Variants in WASL observed in about 807,000 individuals in gnomAD.
The protein encoded by WASL is actin nucleation-promoting factor WASL.
A neutral mutation model predicts 55.5 loss-of-function variants in WASL; 20 were observed. That is an observed-to-expected ratio of 0.36 (90% CI 0.25 to 0.52). The LOEUF is 0.52. Ranked by LOEUF, WASL falls within the 20% of genes least tolerant of loss-of-function variation. The probability of loss-of-function intolerance (pLI) is 0.92; values close to 1 mark genes in which losing one functional copy is unlikely to be tolerated. For synonymous variants in WASL, 249 were observed against 217.6 expected (o/e 1.14, Z -1.27); for missense variants, 504 against 622.5 (o/e 0.81, Z 2.03).
intron 8 of WASL, 56 bp downstream of exon 8, chr7:123,694,659 A>G: frequency 6.3e-7 from 1 of 1,593,478 alleles, no homozygotes; most frequent in African/African-American, 1.4e-5. Context: ...GGTTTCCATG[A>G]AACTGACCTC....
chr7:123,719,726 C>T (rs1243369382), intron 1 of WASL, among the ~76,000 whole-genome samples: 1 of 152,200 alleles, frequency 6.6e-6, no homozygotes, highest in African/African-American at 2.4e-5. Flanking sequence ...TGGCAGTCAG[C>T]TCCTCTCTTG....
At chr7:123,710,458 G>A (rs544123559) in intron 1 of WASL, among the ~76,000 whole-genome samples, 1 of 152,112 alleles carries the variant, frequency 6.6e-6, no homozygotes, top group East Asian at 1.9e-4. Flanking sequence ...TAGGTTTACT[G>A]AACTATGCCT....
chr7:123,707,524 T>C (rs1803690180), intron 2 of WASL, among the ~76,000 whole-genome samples: 1 of 152,168 alleles, frequency 6.6e-6, no homozygotes, highest in Non-Finnish European at 1.5e-5. Flanking sequence ...GGTGACGAAT[T>C]ATGAGTGTCC....
intron 1 of WASL, among the ~76,000 whole-genome samples, chr7:123,742,007 A>T (rs945640790): frequency 8.5e-5 from 13 of 152,278 alleles, no homozygotes; most frequent in African/African-American, 2.2e-4. Context: ...ATAACTTTTT[A>T]AAAAAATAGT....
Position 123,706,448 on chromosome 7 carries a change from A to G in WASL, c.340-75T>C, listed in dbSNP as rs1438411465. 2.2e-6 allele frequency: 3 copies of G among 1,351,506 alleles called. No homozygotes were observed. In the East Asian group the frequency reaches 7.1e-5, roughly 32 times the overall value. 83.7% of individuals were successfully genotyped at this position (1,351,506 alleles called of 1,614,324 possible). ...CTTTATATCATAAAAACAATGAGGA[A>G]AAGAAGTATATTTCTAAAGAACGAA... On this transcript the variant is annotated intron_variant, in intron 3 of 10. Transcript: ENST00000223023.
At chr7:123,737,305 A>G (rs1216602202) in intron 1 of WASL, among the ~76,000 whole-genome samples, 2 of 152,204 alleles carry the variant, frequency 1.3e-5, no homozygotes, top group Non-Finnish European at 2.9e-5. Flanking sequence ...AAATTATAAA[A>G]GCAGCATTTC....
chr7:123,694,862 T>C lies in WASL; in HGVS notation c.679A>G (p.Asn227Asp), dbSNP rs1477856255. ...WDPNTGFDLN[N>D]LDPELKNLFD... ...AGATTCTTCAATTCTGGATCCAAAT[T>C]ATTCAGCTACAAAAGAAAGTAACTG... The change falls in exon 8 of 11, where the codon AAT becomes GAT. Residue 227 changes from asparagine to aspartate, a missense_variant. By Grantham distance (23) the Asn-to-Asp change is conservative (BLOSUM62 1). Around this residue, in one of 5 missense-constraint regions of WASL, gnomAD observed 230 missense variants for 271.9 expected, o/e 0.85. Transcript: ENST00000223023. 1.2e-6 allele frequency: 2 copies of C among 1,603,180 alleles called. No individual in the cohort carries two copies. The highest frequency in any genetic ancestry group is 1.7e-6 in the Non-Finnish European group (2 of 1,177,226).
chr7:123,690,121 T>C (rs1208558044), intron 9 of WASL, among the ~76,000 whole-genome samples: 1 of 152,202 alleles, frequency 6.6e-6, no homozygotes, highest in Non-Finnish European at 1.5e-5. Context: ...CAGAGCTTTG[T>C]ATTTCTGCAC....
At chr7:123,696,904 A>G (rs532261713) in intron 5 of WASL, among the ~76,000 whole-genome samples, 157 bp from the exon 6 acceptor site, 87 of 152,202 alleles carry the variant, frequency 5.7e-4, no homozygotes, top group African/African-American at 2.0e-3. Context: ...AGTGCTGCCT[A>G]AATTTCTAAA....
intron 1 of WASL, among the ~76,000 whole-genome samples, chr7:123,719,644 T>C (rs1363054722): frequency 1.3e-5 from 2 of 152,164 alleles, no homozygotes; most frequent in Admixed American, 6.5e-5. Context: ...TTGTTATCAG[T>C]ATGGCACAAA....
intron 1 of WASL, among the ~76,000 whole-genome samples, chr7:123,726,420 C>A (rs992149452): frequency 2.0e-5 from 3 of 152,072 alleles, no homozygotes; most frequent in Non-Finnish European, 4.4e-5. Flanking sequence ...TCACAAAGCT[C>A]CTAGAAGCAG....
chr7:123,705,285 GA>G (rs1453812284), intron 4 of WASL, among the ~76,000 whole-genome samples: 1 of 152,150 alleles, frequency 6.6e-6, no homozygotes, highest in Non-Finnish European at 1.5e-5. Context: ...GAGCCTGAGG[GA>G]TAAGATGGAA....
chr7:123,719,353 A>T (rs1034978208), intron 1 of WASL, among the ~76,000 whole-genome samples: 4 of 152,184 alleles, frequency 2.6e-5, no homozygotes, highest in Non-Finnish European at 5.9e-5. Flanking sequence ...CCATGCTCCC[A>T]AAAGTGAAGT....
intron 1 of WASL, among the ~76,000 whole-genome samples, chr7:123,742,588 G>A (rs1329971053): frequency 2.0e-5 from 3 of 152,050 alleles, no homozygotes; most frequent in African/African-American, 7.2e-5. Flanking sequence ...TAGGATTCTA[G>A]ATGGAATTGG....
At chr7:123,720,200 C>A in intron 1 of WASL, 1 of 390,324 alleles carries the variant, frequency 2.6e-6, no homozygotes, top group Non-Finnish European at 4.9e-6. Context: ...TGACTTCTAT[C>A]AAAACCATTA....
chr7:123,722,022 G>C (rs899610803), intron 1 of WASL, among the ~76,000 whole-genome samples: 4 of 152,152 alleles, frequency 2.6e-5, no homozygotes, highest in African/African-American at 9.7e-5. Context: ...GGCAGGGGCA[G>C]GCGGGAGGGT....
intron 1 of WASL, among the ~76,000 whole-genome samples, chr7:123,742,866 T>C (rs1804367278): frequency 6.6e-6 from 1 of 152,234 alleles, no homozygotes. Flanking sequence ...AGATATATGC[T>C]ATATTAGTCT....
chr7:123,705,349 T>A (rs1803652734), intron 4 of WASL, among the ~76,000 whole-genome samples: 1 of 152,164 alleles, frequency 6.6e-6, no homozygotes, highest in African/African-American at 2.4e-5. Flanking sequence ...GGAACAGATC[T>A]GAGTGGGGCT....
chr7:123,721,429 T>C (rs1327402409), intron 1 of WASL, among the ~76,000 whole-genome samples: 1 of 152,146 alleles, frequency 6.6e-6, no homozygotes, highest in East Asian at 1.9e-4. Context: ...AAGGGCTTTG[T>C]AACAAGTAAC....
Sources: gnomAD v4.1 joint callset for allele counts (sites outside exome capture counted in the v4.1 genomes callset) on GRCh38, gnomAD v4.1.1 for gene constraint, gnomAD v4.1.1 regional missense constraint, MANE v1.5 for transcripts, NCBI Gene and HGNC (gene_info 2026-07-23, HGNC 2026-07-21) for gene names.